RARB: variants seen among roughly 807,000 people sequenced by gnomAD.
The protein encoded by RARB is retinoic acid receptor beta, also known as HBV-activated protein.
Under a neutral mutation model 51.9 loss-of-function variants are expected in RARB, and 17 were observed. The observed-to-expected ratio is 0.33, with a 90% CI of 0.22 to 0.49. The LOEUF is 0.49. Ranked by LOEUF, RARB falls within the 20% of genes least tolerant of loss-of-function variation. RARB has a pLI of 0.99. For missense variants in RARB, 369 were observed against 550.8 expected (o/e 0.67, Z 3.30); for synonymous variants, 215 against 195.4 (o/e 1.10, Z -0.84).
chr3:24,912,114 G>A (rs1299990389), intron 2 of RARB, among the ~76,000 whole-genome samples: 1 of 152,176 alleles, frequency 6.6e-6, no homozygotes, highest in East Asian at 1.9e-4. Flanking sequence ...GTCTCCTGCT[G>A]TGCTTAAATA....
chr3:25,451,291 G>A (rs1709183853), intron 1 of RARB, among the ~76,000 whole-genome samples: 1 of 152,190 alleles, frequency 6.6e-6, no homozygotes, highest in Admixed American at 6.5e-5. Flanking sequence ...AGCAAAGAAG[G>A]ACTAGGGCTC....
intron 2 of RARB, among the ~76,000 whole-genome samples, chr3:25,048,384 A>G (rs1331332461): frequency 2.0e-5 from 3 of 152,214 alleles, no homozygotes; most frequent in Non-Finnish European, 4.4e-5. Flanking sequence ...CCCATCCAAT[A>G]TATGATATCT....
At chr3:25,448,773 C>A (rs1299698317) in intron 1 of RARB, among the ~76,000 whole-genome samples, 3 of 152,094 alleles carry the variant, frequency 2.0e-5, no homozygotes, top group Non-Finnish European at 4.4e-5. Context: ...GGCCGAGAAT[C>A]TTTTCAAATG....
chr3:24,956,422 A>G (rs4340668), intron 2 of RARB, among the ~76,000 whole-genome samples: 11,656 of 152,158 alleles, frequency 0.077, 1,223 homozygotes, highest in African/African-American at 0.24. Context: ...CTTTGTAACC[A>G]CCCTCATATG....
At chr3:24,950,166 CTG>C (rs1695858379) in intron 2 of RARB, among the ~76,000 whole-genome samples, 1 of 152,170 alleles carries the variant, frequency 6.6e-6, no homozygotes. Flanking sequence ...CATTTTCATT[CTG>C]TGTTTTCTTC....
chr3:25,538,802 C>T (rs1270097884), intron 3 of RARB, among the ~76,000 whole-genome samples: 1 of 152,208 alleles, frequency 6.6e-6, no homozygotes, highest in Admixed American at 6.5e-5. Flanking sequence ...GAATGAGATG[C>T]TGTACAACAG....
At chr3:24,957,916 C>T (rs994280796) in intron 2 of RARB, among the ~76,000 whole-genome samples, 1 of 152,060 alleles carries the variant, frequency 6.6e-6, no homozygotes, top group African/African-American at 2.4e-5. Context: ...GTATATAACT[C>T]CAAGATAATA....
At chr3:24,867,520 C>G (rs1229288294) in intron 2 of RARB, among the ~76,000 whole-genome samples, 1 of 152,130 alleles carries the variant, frequency 6.6e-6, no homozygotes, top group African/African-American at 2.4e-5. Flanking sequence ...AACGACTGTT[C>G]ATATAGTTGT....
chr3:25,240,076 T>G (rs536242081), intron 5 of RARB, among the ~76,000 whole-genome samples: 1 of 152,008 alleles, frequency 6.6e-6, no homozygotes, highest in Admixed American at 6.6e-5. Context: ...GTTTTGGGTT[T>G]GTTTGTTTGT....
At chr3:25,438,231 G>A (rs1708514331) in intron 1 of RARB, among the ~76,000 whole-genome samples, 1 of 152,184 alleles carries the variant, frequency 6.6e-6, no homozygotes, top group Non-Finnish European at 1.5e-5. Context: ...CCAGGAAGGA[G>A]GCAGCAGAGG....
chr3:25,549,701 A>G (rs1003961750), intron 3 of RARB, among the ~76,000 whole-genome samples: 3 of 152,192 alleles, frequency 2.0e-5, no homozygotes, highest in African/African-American at 7.2e-5. Context: ...CCAAGATGGC[A>G]TGAGATCATA....
rs73823015 is a variant in RARB, at chr3:24,890,837, C to A, written c.-380+32085C>A. ...ATATTGCATGATATGTGAATGAGGG[C>A]TCTGGAGTAATAAAAAAAAATGCGG... is the stretch of plus-strand genomic sequence containing the variant. On this transcript the variant is annotated intron_variant, in intron 2 of 11. Transcript: ENST00000383772. Among the ~76,000 whole-genome samples the A allele has an allele frequency of 1.0e-2, 1,511 of 151,106 alleles. 23 individuals are homozygous for A. The highest frequency in any genetic ancestry group is 0.031 in the African/African-American group (1,266 of 40,748).
At chr3:25,586,340 A>G (rs147911988) in intron 5 of RARB, among the ~76,000 whole-genome samples, 15 of 152,178 alleles carry the variant, frequency 9.9e-5, no homozygotes, top group Non-Finnish European at 1.5e-4. Context: ...ATTTCCCAAA[A>G]GCTTCTCCCC....
intron 2 of RARB, among the ~76,000 whole-genome samples, chr3:24,883,396 T>TGTGTGTGTGTA: frequency 1.3e-5 from 1 of 75,926 alleles, no homozygotes; most frequent in Admixed American, 1.4e-4. Context: ...GTGTGTGTGT[T>TGTGTGTGTGTA]TAAACCACTA....
intron 2 of RARB, among the ~76,000 whole-genome samples, chr3:24,896,502 G>T (rs189415255): frequency 6.6e-6 from 1 of 151,874 alleles, no homozygotes; most frequent in African/African-American, 2.4e-5. Flanking sequence ...CTCCTGATCC[G>T]CCCGCCTCGG....
chr3:25,111,582 G>GTTT, intron 3 of RARB, among the ~76,000 whole-genome samples: 1 of 86,640 alleles, frequency 1.2e-5, no homozygotes. Context: ...TTCTAACAGT[G>GTTT]GTTTTTTTTT....
At chr3:25,162,249 A>G (rs1324684352) in intron 4 of RARB, among the ~76,000 whole-genome samples, 1 of 152,088 alleles carries the variant, frequency 6.6e-6, no homozygotes, top group Non-Finnish European at 1.5e-5. Context: ...GACTATAGGC[A>G]AGCACCACCA....
At chr3:25,269,744 C>CT (rs1315072402) in intron 5 of RARB, among the ~76,000 whole-genome samples, 1 of 152,106 alleles carries the variant, frequency 6.6e-6, no homozygotes, top group African/African-American at 2.4e-5. Flanking sequence ...CCTAAAACAT[C>CT]TTTTTTAACA....
chr3:24,969,424 T>C (rs989216357), intron 2 of RARB, among the ~76,000 whole-genome samples: 1 of 152,138 alleles, frequency 6.6e-6, no homozygotes, highest in African/African-American at 2.4e-5. Flanking sequence ...AGTAACAGCT[T>C]ATTTCCCAGA....
Sources: allele counts gnomAD v4.1 joint callset (sites outside exome capture counted in the v4.1 genomes callset), GRCh38; gene constraint gnomAD v4.1.1; transcripts MANE v1.5; gene names NCBI Gene and HGNC (gene_info 2026-07-23, HGNC 2026-07-21).